The following ROS1 variants were observed in gnomAD, a reference collection of about 807,000 sequenced individuals.
ROS1 encodes ROS proto-oncogene 1, receptor tyrosine kinase, also known as proto-oncogene tyrosine-protein kinase ROS.
ROS1 carries 263 observed loss-of-function variants against 273.5 expected under a neutral mutation model. The ratio of observed to expected loss-of-function variants is 0.96; its 90% CI spans 0.87 to 1.06. The LOEUF is 1.06. ROS1 is among the 50% of genes least tolerant of loss of function. The pLI, the probability that ROS1 is intolerant of heterozygous loss-of-function variation, is 0.00. For missense variants in ROS1, 2,833 were observed against 2,751.1 expected (o/e 1.03, Z -0.67); for synonymous variants, 1,008 against 954.1 (o/e 1.06, Z -1.04).
chr6:117,343,114 C>T (rs1018145435), intron 28 of ROS1, among the ~76,000 whole-genome samples: 5 of 151,492 alleles, frequency 3.3e-5, no homozygotes, highest in African/African-American at 9.7e-5. Flanking sequence ...TTCGATGTGC[C>T]GCCAAGGTTG....
rs184364166 is a variant in ROS1 at position 117,342,388 on chromosome 6, C to T, written c.4651+12G>A. On this transcript the variant is annotated intron_variant, in intron 29 of 43. Coordinates refer to ENST00000368507, the MANE Select transcript of ROS1 (RefSeq NM_001378902.1). ...TTCTGCTTGAGAAACCCACAACAAG[C>T]CCATAACTTACCTCCATTTTTAGTT... 301 of 1,610,730 alleles carry T rather than the reference C, an allele frequency of 1.9e-4. No homozygotes were observed. The African/African-American group carries it at 3.3e-3, about 18-fold the overall frequency.
At position 117,313,264 on chromosome 6, in the gene ROS1, T is replaced by C. The variant is rs1775675630; in HGVS notation, c.6118-2147A>G. On this transcript the variant is annotated intron_variant, in intron 39 of 43. Coordinates refer to ENST00000368507, the MANE Select transcript of ROS1 (RefSeq NM_001378902.1). ...TTCGCTTTTTTCTATCTTAATACAATCCTTTTAACAAAAGTTAAGGCTAGG... is the reference window on the plus strand; with the variant it reads ...TTCGCTTTTTTCTATCTTAATACAACCCTTTTAACAAAAGTTAAGGCTAGG... Among the ~76,000 whole-genome samples, 4 of 152,120 alleles carry C rather than the reference T, an allele frequency of 2.6e-5. No homozygotes were observed. In the South Asian group the frequency reaches 8.3e-4, roughly 31 times the overall value.
intron 34 of ROS1, 77 bp from the exon 35 acceptor site, chr6:117,324,492 A>G (rs1582623157): frequency 1.5e-6 from 1 of 685,830 alleles, no homozygotes; most frequent in East Asian, 2.8e-5. Flanking sequence ...AAGCACACAG[A>G]GTAATATAGC....
chr6:117,397,196 G>GT (rs199816916), intron 7 of ROS1, 80 bp from the exon 8 acceptor site: 66,473 of 634,124 alleles, frequency 0.1, 2 homozygotes, highest in South Asian at 0.14. Flanking sequence ...AAAAAGTCTT[G>GT]TTTTTTTTTT....
chr6:117,393,928 ACT>A (rs1329656310), intron 11 of ROS1, among the ~76,000 whole-genome samples: 1 of 152,128 alleles, frequency 6.6e-6, no homozygotes, highest in East Asian at 1.9e-4. Flanking sequence ...TAAACTCATG[ACT>A]CTAAAAAAGT....
In ROS1 at chr6:117,382,717, A is replaced by G. The variant is rs2128691444; in HGVS notation, c.2481+600T>C. Among the ~76,000 whole-genome samples the G allele has an allele frequency of 1.3e-5, 2 of 152,286 alleles. 1 individual carries two copies. The highest frequency in any genetic ancestry group is 3.9e-4 in the East Asian group (2 of 5,182). ...ACATTCCTGTATTTGCAGGTTGAGT[A>G]ATAATAATATGAGCTTAACTACGGA... On this transcript the variant is annotated intron_variant, in intron 17 of 43. Coordinates refer to ENST00000368507, the MANE Select transcript of ROS1 (RefSeq NM_001378902.1).
chr6:117,409,299 A>G (rs1442731830), intron 5 of ROS1, among the ~76,000 whole-genome samples: 10 of 152,186 alleles, frequency 6.6e-5, no homozygotes, highest in Non-Finnish European at 1.5e-4. Flanking sequence ...TTTGTCTGTC[A>G]TTAAGAGAGA....
At position 117,319,915 on chromosome 6, in the gene ROS1, C is replaced by A; in HGVS notation, c.5875G>T (p.Val1959Leu). 1 of 1,613,488 alleles carries A rather than the reference C, an allele frequency of 6.2e-7. No individual in the cohort carries two copies. Among genetic ancestry groups the A allele is most frequent in the Non-Finnish European group, 8.5e-7 (1 of 1,179,546 alleles). Residue 1959 changes from valine (V) to leucine (L), a missense_variant, in exon 37 of 44, where the codon GTG (valine) becomes TTG (leucine). Coordinates refer to ENST00000368507, the MANE Select transcript of ROS1 (RefSeq NM_001378902.1). ...AFGEVYEGTA[V>L]DILGVGSGEI... ...CCACTTCCAACTCCTAAGATGTCCA[C>A]TGCTGTTCCTTCATACACTTCTCCA...
At chr6:117,365,795 C>G (rs1397374587) in intron 19 of ROS1, 54 bp from the exon 20 acceptor site, 1 of 1,329,308 alleles carries the variant, frequency 7.5e-7, no homozygotes, top group Non-Finnish European at 1.0e-6. Flanking sequence ...GATTATTGAC[C>G]AATATAGAAA....
rs139370215 is a variant in ROS1 at position 117,302,602 on chromosome 6, G to A, written c.6552-1465C>T. The stretch of plus-strand genomic sequence containing the variant: ...TTAGATGCTATCAAGCCCTGTAGAT[G>A]CTCTCAAGGCCCAGGGAATCCATTC... On this transcript the variant is annotated intron_variant, in intron 42 of 43. Transcript: ENST00000368507. Among the ~76,000 whole-genome samples, 49 of 152,322 alleles carry A rather than the reference G, an allele frequency of 3.2e-4. No individual in the cohort carries two copies. In the East Asian group the frequency reaches 8.1e-3, roughly 25 times the overall value.
chr6:117,326,775 T>G (rs112490525), intron 33 of ROS1, among the ~76,000 whole-genome samples: 1,836 of 152,308 alleles, frequency 0.012, 10 homozygotes, highest in South Asian at 0.029. Flanking sequence ...TTTTCTCAAT[T>G]TTCAGTCTTT....
chr6:117,293,433 T>A (rs1337470887), intron 43 of ROS1, among the ~76,000 whole-genome samples: 2 of 152,162 alleles, frequency 1.3e-5, no homozygotes, highest in Non-Finnish European at 2.9e-5. Flanking sequence ...AAATGAGCAT[T>A]TCTGTAAATG....
At chr6:117,393,797 T>C (rs1471453633) in intron 11 of ROS1, among the ~76,000 whole-genome samples, 1 of 152,172 alleles carries the variant, frequency 6.6e-6, no homozygotes, top group East Asian at 1.9e-4. Flanking sequence ...ACTACTAAAT[T>C]TCCCTCTGGT....
intron 31 of ROS1, among the ~76,000 whole-genome samples, chr6:117,338,986 A>C (rs1777691071): frequency 6.6e-6 from 1 of 152,028 alleles, no homozygotes; most frequent in South Asian, 2.1e-4. Context: ...ATTTTAATGG[A>C]CTTCCGTGAA....
At chr6:117,410,995 A>G (rs552352643) in intron 4 of ROS1, among the ~76,000 whole-genome samples, 3 of 152,274 alleles carry the variant, frequency 2.0e-5, no homozygotes, top group Middle Eastern at 3.4e-3. Context: ...ATTATATAAC[A>G]TGAGGGGTTT....
intron 18 of ROS1, among the ~76,000 whole-genome samples, chr6:117,370,825 C>T (rs1780704411): frequency 6.6e-6 from 1 of 152,014 alleles, no homozygotes; most frequent in African/African-American, 2.4e-5. Flanking sequence ...TTATTTTATT[C>T]ACCCACAAAA....
Position 117,366,067 on chromosome 6 carries a change from A to G in ROS1, c.2797+9T>C. ...GTGGAGTAGGGTAAGCAGGAATGAAATACTGTACCTGGCAGGGGCTTAAGG... is the reference window on the plus strand; with the variant it reads ...GTGGAGTAGGGTAAGCAGGAATGAAGTACTGTACCTGGCAGGGGCTTAAGG... On this transcript the variant is annotated intron_variant, in intron 19 of 43. Coordinates refer to ENST00000368507, the MANE Select transcript of ROS1 (RefSeq NM_001378902.1). 1.2e-6 allele frequency: 2 copies of G among 1,603,040 alleles called. No homozygotes were observed. Among genetic ancestry groups the G allele is most frequent in the Non-Finnish European group, 1.7e-6 (2 of 1,170,004 alleles).
intron 29 of ROS1, 82 bp from the exon 30 acceptor site, chr6:117,341,714 A>G: frequency 4.0e-6 from 4 of 1,001,926 alleles, no homozygotes; most frequent in Non-Finnish European, 3.1e-6. Flanking sequence ...TGGGTTGAAG[A>G]GTAATCATGT....
intron 28 of ROS1, among the ~76,000 whole-genome samples, 170 bp from the exon 29 acceptor site, chr6:117,342,714 T>C (rs1778043461): frequency 6.6e-6 from 1 of 152,170 alleles, no homozygotes; most frequent in Admixed American, 6.6e-5. Context: ...AGACCTGAGT[T>C]GTTCAATGTT....
Sources: gnomAD v4.1 joint callset for allele counts (sites outside exome capture counted in the v4.1 genomes callset) on GRCh38, gnomAD v4.1.1 for gene constraint, MANE v1.5 for transcripts, NCBI Gene and HGNC (gene_info 2026-07-23, HGNC 2026-07-21) for gene names.